The following HDAC9 variants were observed in gnomAD, a reference collection of about 807,000 sequenced individuals.
The protein encoded by HDAC9 is histone deacetylase 9.
HDAC9 carries 41 observed loss-of-function variants against 139.4 expected under a neutral mutation model. The observed-to-expected ratio is 0.29, with a 90% CI of 0.23 to 0.38. HDAC9 has a LOEUF of 0.38. Ranked by LOEUF, HDAC9 falls within the 10% of genes least tolerant of loss-of-function variation. The pLI, the probability that HDAC9 is intolerant of heterozygous loss-of-function variation, is 1.00. For synonymous variants in HDAC9, 517 were observed against 476.2 expected, an observed-to-expected ratio of 1.09 and a Z score of -1.12; for missense variants, 1,147 against 1,297.0, an observed-to-expected ratio of 0.88 and a Z score of 1.78.
chr7:18,139,237 TG>T, intron 1 of HDAC9, among the ~76,000 whole-genome samples: 1 of 150,284 alleles, frequency 6.7e-6, no homozygotes, highest in Non-Finnish European at 1.5e-5. Flanking sequence ...GCTATCCTCC[TG>T]CCTCAGCCTT....
chr7:18,956,958 A>G (rs1375809802), intron 24 of HDAC9, among the ~76,000 whole-genome samples: 1 of 152,142 alleles, frequency 6.6e-6, no homozygotes, highest in Admixed American at 6.6e-5. Context: ...GAAGCAGCCC[A>G]TATTTTCATT....
intron 6 of HDAC9, among the ~76,000 whole-genome samples, chr7:18,623,371 A>G (rs568494314): frequency 6.6e-6 from 1 of 152,324 alleles, no homozygotes; most frequent in African/African-American, 2.4e-5. Flanking sequence ...TGGTGTTTTC[A>G]AACATTACAC....
At chr7:18,464,076 A>G (rs1043675491) in intron 1 of HDAC9, among the ~76,000 whole-genome samples, 1 of 151,862 alleles carries the variant, frequency 6.6e-6, no homozygotes, top group Non-Finnish European at 1.5e-5. Context: ...CTGTTTGTCT[A>G]TTTGACTTTT....
At chr7:18,184,308 G>A (rs1789736110) in intron 2 of HDAC9, among the ~76,000 whole-genome samples, 1 of 152,172 alleles carries the variant, frequency 6.6e-6, no homozygotes, top group South Asian at 2.1e-4. Flanking sequence ...GCTGAGGCAG[G>A]AGAATTGCTT....
intron 19 of HDAC9, 53 bp downstream of exon 19, chr7:18,829,601 T>C: frequency 2.7e-6 from 3 of 1,125,936 alleles, no homozygotes. Flanking sequence ...TAAAGGGGAG[T>C]GGATTTGTAT....
intron 22 of HDAC9, among the ~76,000 whole-genome samples, chr7:18,904,669 G>A (rs1007009637): frequency 4.1e-5 from 6 of 147,728 alleles, no homozygotes; most frequent in Non-Finnish European, 7.4e-5. Flanking sequence ...TCCGCCTCCC[G>A]GGTTCACGCC....
intron 2 of HDAC9, among the ~76,000 whole-genome samples, chr7:18,230,794 A>T (rs989578534): frequency 1.3e-5 from 2 of 152,210 alleles, no homozygotes; most frequent in African/African-American, 2.4e-5. Context: ...CCTATCATCA[A>T]CATTATTCAC....
intron 1 of HDAC9, among the ~76,000 whole-genome samples, chr7:18,465,003 T>C (rs1162821678): frequency 6.5e-4 from 99 of 152,190 alleles, no homozygotes; most frequent in African/African-American, 2.2e-3. Flanking sequence ...TCTTGTATGT[T>C]TGGGATATTT....
At chr7:18,470,557 G>A (rs756665341) in intron 1 of HDAC9, among the ~76,000 whole-genome samples, 5 of 152,076 alleles carry the variant, frequency 3.3e-5, no homozygotes, top group Non-Finnish European at 5.9e-5. Flanking sequence ...GGCAGGAGTT[G>A]GCAAACGTTT....
At chr7:18,959,772 CCA>C (rs770741908) in intron 24 of HDAC9, among the ~76,000 whole-genome samples, 8 of 152,092 alleles carry the variant, frequency 5.3e-5, no homozygotes, top group Non-Finnish European at 1.2e-4. Flanking sequence ...CCCTGTAGCC[CCA>C]CTTTCACTTT....
At chr7:18,533,931 T>A (rs571067575) in intron 2 of HDAC9, among the ~76,000 whole-genome samples, 1 of 150,738 alleles carries the variant, frequency 6.6e-6, no homozygotes, top group East Asian at 1.9e-4. Context: ...GAGTTTAAAA[T>A]TTTTTTTTAA....
At chr7:18,262,714 T>A (rs1354525344) in intron 2 of HDAC9, among the ~76,000 whole-genome samples, 2 of 152,120 alleles carry the variant, frequency 1.3e-5, no homozygotes, top group Non-Finnish European at 2.9e-5. Flanking sequence ...TGTGTAACAA[T>A]AACACAAAGA....
chr7:18,623,851 A>G (rs956135682), intron 6 of HDAC9, among the ~76,000 whole-genome samples: 1 of 152,146 alleles, frequency 6.6e-6, no homozygotes, highest in Non-Finnish European at 1.5e-5. Flanking sequence ...CTGAGGCAGA[A>G]TTGCTTGAAC....
intron 25 of HDAC9, among the ~76,000 whole-genome samples, chr7:18,994,928 A>T (rs990472699): frequency 1.3e-5 from 2 of 152,160 alleles, no homozygotes; most frequent in African/African-American, 4.8e-5. Flanking sequence ...TTATTCCGCT[A>T]CCTAGAGAGA....
chr7:18,383,015 A>G (rs1165608245), intron 1 of HDAC9, among the ~76,000 whole-genome samples: 1 of 152,216 alleles, frequency 6.6e-6, no homozygotes, highest in African/African-American at 2.4e-5. Flanking sequence ...CATTGTGGTA[A>G]AGATGTCATG....
At chr7:18,233,691 C>T (rs913305860) in intron 2 of HDAC9, among the ~76,000 whole-genome samples, 27 of 152,102 alleles carry the variant, frequency 1.8e-4, no homozygotes, top group Non-Finnish European at 3.5e-4. Context: ...GGGAACGGAG[C>T]ACACACAGAC....
rs1554402500 is a variant in HDAC9, at chr7:18,393,137, TA to T, written c.-42+102629del. Among the ~76,000 whole-genome samples, 27 of 127,574 alleles carry T rather than the reference TA, an allele frequency of 2.1e-4. No individual in the cohort carries two copies. The South Asian group carries it at 3.6e-3, about 17-fold the overall frequency. The allele number at this position is 127,574 out of a possible 152,430, so 83.7% of individuals were successfully genotyped here. Reference sequence around the variant, plus strand: ...TTAGATAAAATGGATTTTTTTTTTTTAAAAAAACATAAATTGGCTCAAGATG... The same window carrying T: ...TTAGATAAAATGGATTTTTTTTTTTTAAAAAACATAAATTGGCTCAAGATG... On this transcript the variant is annotated intron_variant, in intron 1 of 3. Transcript: ENST00000413509.
At position 18,648,855 on chromosome 7, in the gene HDAC9, A is replaced by G. The variant is rs12113679; in HGVS notation, c.1467+172A>G. 6.6e-3 allele frequency among the ~76,000 whole-genome samples: 1,006 copies of G among 152,242 alleles called. 10 individuals carry two copies. The highest frequency in any genetic ancestry group is 0.023 in the African/African-American group (962 of 41,554). ...GACACCATCACAATATCAGTGTTTTAACCACCATTATGTTCATAAGACATT... is the reference window on the plus strand; with the variant it reads ...GACACCATCACAATATCAGTGTTTTGACCACCATTATGTTCATAAGACATT... On this transcript the variant is annotated intron_variant, in intron 11 of 25. Coordinates refer to ENST00000686413, the MANE Select transcript of HDAC9 (RefSeq NM_178425.4).
intron 1 of HDAC9, among the ~76,000 whole-genome samples, chr7:18,448,147 G>A (rs1417817106): frequency 6.6e-6 from 1 of 152,122 alleles, no homozygotes; most frequent in African/African-American, 2.4e-5. Context: ...TTACGCGCGT[G>A]AGCCACCATG....
Sources: allele counts gnomAD v4.1 joint callset (sites outside exome capture counted in the v4.1 genomes callset), GRCh38; gene constraint gnomAD v4.1.1; transcripts MANE v1.5; gene names NCBI Gene and HGNC (gene_info 2026-07-23, HGNC 2026-07-21).